The following USP45 variants were observed in gnomAD, a reference collection of about 807,000 sequenced individuals.
USP45 encodes ubiquitin specific peptidase 45.
In USP45, 89 loss-of-function variants were observed where a neutral mutation model predicts 95.8. That is an observed-to-expected ratio of 0.93 (90% confidence interval 0.78 to 1.11). USP45 has a LOEUF of 1.11. Ranked by LOEUF, USP45 falls within the 50% of genes least tolerant of loss-of-function variation. The probability of loss-of-function intolerance (pLI) is 0.00; values close to 1 mark genes in which losing one functional copy is unlikely to be tolerated. For missense variants in USP45, 898 were observed against 942.5 expected, an observed-to-expected ratio of 0.95 and a Z score of 0.62; for synonymous variants, 281 against 316.2, an observed-to-expected ratio of 0.89 and a Z score of 1.18.
At chr6:99,481,985 A>G (rs761011025) in intron 8 of USP45, among the ~76,000 whole-genome samples, 3 of 152,150 alleles carry the variant, frequency 2.0e-5, no homozygotes, top group Non-Finnish European at 2.9e-5. Flanking sequence ...TAAGCCCTCT[A>G]TTTTGGACTA....
At chr6:99,512,526 C>G (rs1562466266) in intron 1 of USP45, among the ~76,000 whole-genome samples, 1 of 152,136 alleles carries the variant, frequency 6.6e-6, no homozygotes, top group Non-Finnish European at 1.5e-5. Context: ...GTTAGAGTAG[C>G]TTGGCCTACC....
intron 16 of USP45, 101 bp downstream of exon 16, chr6:99,439,668 A>C: frequency 1.3e-6 from 1 of 789,524 alleles, no homozygotes; most frequent in Non-Finnish European, 1.8e-6. Flanking sequence ...TCCCTTTCAG[A>C]AGAGAAGTTA....
At chr6:99,462,317 C>G (rs1464664113) in intron 13 of USP45, 47 of 985,038 alleles carry the variant, frequency 4.8e-5, no homozygotes, top group Non-Finnish European at 5.4e-5. Flanking sequence ...TGCATATTCT[C>G]AGTTCCTAAC....
chr6:99,461,344 T>C, intron 13 of USP45: 1 of 985,426 alleles, frequency 1.0e-6, no homozygotes, highest in Non-Finnish European at 1.2e-6. Flanking sequence ...ATAATATCTT[T>C]TGGTAGCCAT....
intron 9 of USP45, among the ~76,000 whole-genome samples, chr6:99,471,603 T>C (rs968893911): frequency 5.3e-5 from 8 of 152,330 alleles, no homozygotes; most frequent in Middle Eastern, 3.4e-3. Context: ...AAATTTGATT[T>C]TGTACATGAA....
intron 13 of USP45, chr6:99,461,348 T>G (rs973599508): frequency 2.9e-5 from 29 of 985,270 alleles, no homozygotes; most frequent in Admixed American, 6.2e-5. Context: ...TATCTTTTGG[T>G]AGCCATTTGT....
At chr6:99,481,575 T>C (rs530790905) in intron 8 of USP45, among the ~76,000 whole-genome samples, 2 of 152,182 alleles carry the variant, frequency 1.3e-5, no homozygotes, top group East Asian at 3.8e-4. Context: ...CTGGGTATAT[T>C]GTGTGATGCA....
intron 13 of USP45, among the ~76,000 whole-genome samples, chr6:99,455,819 TAAAAAA>T (rs35285232): frequency 4.5e-5 from 2 of 44,368 alleles, no homozygotes; most frequent in East Asian, 9.4e-4. Flanking sequence ...ATGTGAGAGC[TAAAAAA>T]AAAAAAAAAA....
intron 13 of USP45, chr6:99,462,355 A>G (rs1443084432): frequency 1.0e-6 from 1 of 984,798 alleles, no homozygotes; most frequent in East Asian, 1.1e-4. Context: ...TATTTCTCTC[A>G]TACATTTGGA....
chr6:99,451,358 G>GTA, intron 13 of USP45, among the ~76,000 whole-genome samples: 1 of 152,102 alleles, frequency 6.6e-6, no homozygotes, highest in Non-Finnish European at 1.5e-5. Context: ...AAATCAACGT[G>GTA]CAAAAATCAC....
intron 5 of USP45, among the ~76,000 whole-genome samples, chr6:99,492,129 C>T (rs1447163131): frequency 2.0e-5 from 3 of 152,194 alleles, no homozygotes; most frequent in Non-Finnish European, 4.4e-5. Context: ...CCAAAGTAAA[C>T]AATGTTCATA....
chr6:99,482,828 A>C lies in USP45; in HGVS notation c.770T>G (p.Leu257Arg). The change falls in exon 8 of 18, where the codon CTG becomes CGG. Residue 257 changes from leucine (L) to arginine (R), a missense_variant. Physicochemically the swap from Leu to Arg is moderately radical, Grantham distance 102. Transcript: ENST00000500704. ...RPGPLTSALF[L>R]FLHSMKETEK... ...AGTCTCCTTCATGCTGTGAAGAAAC[A>C]GGAACAAGGCTGAGGTCAGTGGTCC... The C allele has an allele frequency of 6.2e-7, 1 of 1,607,382 alleles. No individual in the cohort carries two copies. Among genetic ancestry groups the C allele is most frequent in the South Asian group, 1.1e-5 (1 of 89,286 alleles).
At chr6:99,504,487 A>G (rs1798081845) in intron 4 of USP45, among the ~76,000 whole-genome samples, 1 of 152,138 alleles carries the variant, frequency 6.6e-6, no homozygotes, top group Non-Finnish European at 1.5e-5. Flanking sequence ...GATAAACTAG[A>G]TTGGAGGGAT....
At chr6:99,509,325 T>C (rs1428753366) in intron 2 of USP45, among the ~76,000 whole-genome samples, 2 of 152,188 alleles carry the variant, frequency 1.3e-5, no homozygotes, top group East Asian at 1.9e-4. Context: ...TGCACTGCTA[T>C]AGTAAAATAT....
chr6:99,514,479 G>A (rs1057367593), intron 1 of USP45, among the ~76,000 whole-genome samples: 8 of 151,986 alleles, frequency 5.3e-5, no homozygotes, highest in African/African-American at 1.9e-4. Context: ...CTTAAGGCCT[G>A]CTATGTTAAC....
intron 15 of USP45, among the ~76,000 whole-genome samples, chr6:99,441,949 C>T (rs1292262840): frequency 6.6e-6 from 1 of 152,144 alleles, no homozygotes; most frequent in Non-Finnish European, 1.5e-5. Flanking sequence ...TTCTGATATA[C>T]AGCCCTAAAG....
At chr6:99,485,157 C>T (rs1451566505) in intron 7 of USP45, among the ~76,000 whole-genome samples, 1 of 139,044 alleles carries the variant, frequency 7.2e-6, no homozygotes, top group African/African-American at 2.7e-5. Context: ...TGGCAAAACC[C>T]TGTCTCCACT....
chr6:99,503,377 A>G (rs1797811002), intron 5 of USP45, among the ~76,000 whole-genome samples: 1 of 150,510 alleles, frequency 6.6e-6, no homozygotes, highest in African/African-American at 2.5e-5. Context: ...CCTAGACTGG[A>G]GTGCAGTGGC....
In USP45 at chr6:99,510,128, A is replaced by G. The variant is rs774321729; in HGVS notation, c.93T>C (p.Asp31=). 1.2e-6 allele frequency: 2 copies of G among 1,610,350 alleles called. No individual in the cohort carries two copies. The highest frequency in any genetic ancestry group is 1.7e-6 in the Non-Finnish European group (2 of 1,176,944). ...TVPHDEDSSD[D]IAVGLTCQHV... ...CCATATATCACAATTTACCAGCAAT[A>G]TCATCTGAAGAGTCTTCATCATGAG... is the stretch of plus-strand genomic sequence containing the variant. Residue 31 remains aspartate, a synonymous_variant, in exon 2 of 18, where the codon GAT becomes GAC. Transcript: ENST00000500704.
Sources: allele counts gnomAD v4.1 joint callset (sites outside exome capture counted in the v4.1 genomes callset), GRCh38; gene constraint gnomAD v4.1.1; transcripts MANE v1.5; gene names NCBI Gene and HGNC (gene_info 2026-07-23, HGNC 2026-07-21).